BAZ2B: variants seen among roughly 807,000 people sequenced by gnomAD.
BAZ2B encodes bromodomain adjacent to zinc finger domain 2B.
In BAZ2B, 91 loss-of-function variants were observed where a neutral mutation model predicts 246.0. That is an observed-to-expected ratio of 0.37 (90% confidence interval 0.31 to 0.44). BAZ2B has a LOEUF of 0.44. Among genes scored for constraint, BAZ2B ranks in the 20% least tolerant of loss-of-function variants. The pLI, the probability that BAZ2B is intolerant of heterozygous loss-of-function variation, is 1.00. For missense variants in BAZ2B, 2,332 were observed against 2,533.7 expected (o/e 0.92, Z 1.71); for synonymous variants, 855 against 860.0 (o/e 0.99, Z 0.10).
chr2:159,557,709 T>C (rs2089360531), intron 1 of BAZ2B, among the ~76,000 whole-genome samples: 1 of 152,308 alleles, frequency 6.6e-6, no homozygotes, highest in Non-Finnish European at 1.5e-5. Flanking sequence ...GTTTAGTACC[T>C]GGAACCCAAT....
At chr2:159,526,034 G>T (rs550352797) in intron 2 of BAZ2B, among the ~76,000 whole-genome samples, 327 of 152,272 alleles carry the variant, frequency 2.1e-3, no homozygotes, top group African/African-American at 7.6e-3. Context: ...TTGTACTAAG[G>T]TGTGGCAGAA....
intron 1 of BAZ2B, among the ~76,000 whole-genome samples, chr2:159,576,740 C>G (rs967816387): frequency 2.0e-5 from 3 of 150,746 alleles, no homozygotes; most frequent in African/African-American, 7.3e-5. Flanking sequence ...GGTGAAACCC[C>G]GTCTCTACTA....
rs2066378549 is a variant in BAZ2B, at chr2:159,408,882, G to A, written c.2677+3453C>T. ...TGCAGTGAGCTGAGATCGCGCCATTGCACTTCAGCCTGGGCAACAAGAGTG... is the reference window on the plus strand; with the variant it reads ...TGCAGTGAGCTGAGATCGCGCCATTACACTTCAGCCTGGGCAACAAGAGTG... On this transcript the variant is annotated intron_variant, in intron 14 of 36. Coordinates refer to ENST00000392783, the MANE Select transcript of BAZ2B (RefSeq NM_013450.4). 3.3e-5 allele frequency among the ~76,000 whole-genome samples: 5 copies of A among 152,072 alleles called. No homozygotes were observed. In the South Asian group the frequency reaches 1.0e-3, roughly 31 times the overall value.
chr2:159,512,288 A>G (rs1320036177), intron 2 of BAZ2B, among the ~76,000 whole-genome samples: 2 of 152,218 alleles, frequency 1.3e-5, no homozygotes, highest in Non-Finnish European at 2.9e-5. Context: ...CACATGAAAT[A>G]ACTTCTATTT....
chr2:159,406,780 G>C (rs1326002987), intron 14 of BAZ2B, among the ~76,000 whole-genome samples: 1 of 151,696 alleles, frequency 6.6e-6, no homozygotes, highest in African/African-American at 2.4e-5. Flanking sequence ...TTTTGAAACG[G>C]AGTCTTGCTC....
At chr2:159,502,248 A>G (rs1321576329) in intron 2 of BAZ2B, among the ~76,000 whole-genome samples, 1 of 151,966 alleles carries the variant, frequency 6.6e-6, no homozygotes, top group African/African-American at 2.4e-5. Context: ...TGGTTGCACA[A>G]CTCTGTGAAT....
chr2:159,399,721 C>T (rs976581569), intron 17 of BAZ2B, among the ~76,000 whole-genome samples: 30 of 152,038 alleles, frequency 2.0e-4, no homozygotes, highest in Admixed American at 6.6e-5. Context: ...AAAACTGTAA[C>T]AGAGAAAACC....
intron 13 of BAZ2B, 99 bp from the exon 14 acceptor site, chr2:159,412,644 G>T: frequency 2.5e-6 from 3 of 1,179,300 alleles, no homozygotes; most frequent in Non-Finnish European, 2.4e-6. Context: ...CATATATTTT[G>T]GAATTTACAA....
intron 30 of BAZ2B, 33 bp from the exon 31 acceptor site, chr2:159,347,679 A>C: frequency 6.5e-7 from 1 of 1,528,994 alleles, no homozygotes; most frequent in East Asian, 2.3e-5. Flanking sequence ...TTAAAAATCC[A>C]CTTATTAAGC....
chr2:159,473,583 T>C (rs1433216324), intron 3 of BAZ2B, among the ~76,000 whole-genome samples: 2 of 152,216 alleles, frequency 1.3e-5, no homozygotes, highest in Non-Finnish European at 2.9e-5. Flanking sequence ...TGATTTTAGT[T>C]ATTTCTTGTC....
chr2:159,685,081 G>A, the BAZ2B span, among the ~76,000 whole-genome samples: 1 of 152,020 alleles, frequency 6.6e-6, no homozygotes, highest in African/African-American at 2.4e-5. Flanking sequence ...TATTAAACTA[G>A]ACTGCTTACT....
intron 10 of BAZ2B, 106 bp from the exon 11 acceptor site, chr2:159,429,366 T>C (rs1302982238): frequency 9.9e-6 from 6 of 606,478 alleles, no homozygotes; most frequent in Non-Finnish European, 1.6e-5. Context: ...ATAACTTGGA[T>C]TTAGTGTATT....
chr2:159,659,032 TC>T, the BAZ2B span, among the ~76,000 whole-genome samples: 11 of 152,206 alleles, frequency 7.2e-5, no homozygotes, highest in Non-Finnish European at 1.5e-4. Flanking sequence ...CTTTGTCTAG[TC>T]TAGTTTGGGT....
chr2:159,621,793 G>A, the BAZ2B span, among the ~76,000 whole-genome samples: 2 of 150,590 alleles, frequency 1.3e-5, no homozygotes, highest in African/African-American at 4.9e-5. Context: ...GCTAGATCCT[G>A]TCTCTACAAA....
At chr2:159,677,472 G>A in the BAZ2B span, among the ~76,000 whole-genome samples, 1 of 152,004 alleles carries the variant, frequency 6.6e-6, no homozygotes, top group Non-Finnish European at 1.5e-5. Context: ...TTTTAAAAGA[G>A]GCAAGTTATC....
chr2:159,537,797 C>T (rs151267504), intron 2 of BAZ2B, among the ~76,000 whole-genome samples: 29 of 152,216 alleles, frequency 1.9e-4, no homozygotes, highest in Middle Eastern at 3.4e-3. Flanking sequence ...TTTGCTTATG[C>T]CTTTTTGAAA....
chr2:159,438,661 T>C lies in BAZ2B; in HGVS notation c.935A>G (p.Asp312Gly). 6.2e-7 allele frequency: 1 copy of C among 1,611,676 alleles called. No homozygotes were observed. Among genetic ancestry groups the C allele is most frequent in the Non-Finnish European group, 8.5e-7 (1 of 1,179,516 alleles). The change falls in exon 8 of 37, where the codon GAT becomes GGT. Residue 312 changes from aspartate to glycine, a missense_variant. By Grantham distance (94) the Asp-to-Gly change is moderately conservative (BLOSUM62 -1). Transcript: ENST00000392783. ...GGCTTTTTCAGTTGCTTTCTGTCCA[T>C]CTGCTTTTGGGTCTGAAATACCATG... ...LLHGISDPKA[D>G]GQKATEKAQE... is the part of the protein sequence containing the mutation.
intron 32 of BAZ2B, 148 bp from the exon 33 acceptor site, chr2:159,337,225 T>C (rs879633564): frequency 2.1e-4 from 227 of 1,104,064 alleles, no homozygotes; most frequent in Non-Finnish European, 2.8e-4. Context: ...TTTGATGTAG[T>C]GCACAGACTG....
upstream of BAZ2B, among the ~76,000 whole-genome samples, chr2:159,618,297 T>G (rs963086790): frequency 2.0e-5 from 3 of 152,190 alleles, no homozygotes; most frequent in African/African-American, 7.2e-5. Context: ...AAATGCATAA[T>G]TTAATCCTGA....
Sources: allele counts gnomAD v4.1 joint callset (sites outside exome capture counted in the v4.1 genomes callset), GRCh38; gene constraint gnomAD v4.1.1; transcripts MANE v1.5; gene names NCBI Gene and HGNC (gene_info 2026-07-23, HGNC 2026-07-21).